The following CBFA2T3 variants were observed in gnomAD, a reference collection of about 807,000 sequenced individuals.
The protein encoded by CBFA2T3 is transcriptional corepressor CBFA2T3.
CBFA2T3 carries 31 observed loss-of-function variants against 58.6 expected under a neutral mutation model. The ratio of observed to expected loss-of-function variants is 0.53; its 90% confidence interval spans 0.40 to 0.71. The LOEUF (loss-of-function observed/expected upper bound fraction) is 0.71. CBFA2T3 is among the 30% of genes least tolerant of loss of function. The probability of loss-of-function intolerance (pLI) is 0.00; values close to 1 mark genes in which losing one functional copy is unlikely to be tolerated. For synonymous variants in CBFA2T3, 531 were observed against 421.9 expected (o/e 1.26, Z -3.17); for missense variants, 1,076 against 963.1 (o/e 1.12, Z -1.55).
intron 1 of CBFA2T3, among the ~76,000 whole-genome samples, chr16:88,952,404 C>T (rs1972097168): frequency 6.6e-6 from 1 of 152,020 alleles, no homozygotes; most frequent in Admixed American, 6.5e-5. Context: ...TCCAATCCTT[C>T]TCCCGCGGGG....
At chr16:88,892,701 T>C (rs897850604) in intron 3 of CBFA2T3, among the ~76,000 whole-genome samples, 2 of 152,190 alleles carry the variant, frequency 1.3e-5, no homozygotes, top group African/African-American at 4.8e-5. Flanking sequence ...CCATCTGTCC[T>C]TCCGGCCCTG....
At chr16:88,909,209 T>C (rs1362015331) in intron 1 of CBFA2T3, among the ~76,000 whole-genome samples, 1 of 152,168 alleles carries the variant, frequency 6.6e-6, no homozygotes, top group African/African-American at 2.4e-5. Context: ...TCTGGGGCTG[T>C]GGTGCAGGCA....
intron 7 of CBFA2T3, chr16:88,884,663 T>G (rs1969284674): frequency 5.3e-6 from 1 of 189,514 alleles, no homozygotes. Context: ...GGCCCTGCAT[T>G]AACTCCCCCA....
chr16:88,976,929 G>C lies in CBFA2T3; in HGVS notation c.-122C>G. On this transcript the variant is annotated 5_prime_UTR_variant, in exon 1 of 12. Coordinates refer to ENST00000268679, the MANE Select transcript of CBFA2T3 (RefSeq NM_005187.6). ...GGGCTGGGCCAGCTGGGGCGTCCTG[G>C]AGTTGGGCCTCTGTCCCTGGAAAGC... is the stretch of plus-strand genomic sequence containing the variant. The C allele has an allele frequency of 8.0e-7, 1 of 1,254,768 alleles. No homozygotes were observed. The highest frequency in any genetic ancestry group is 1.6e-5 in the South Asian group (1 of 64,460). 77.7% of individuals were successfully genotyped at this position (1,254,768 alleles called of 1,614,324 possible). A position where few individuals can be genotyped will look rare whatever the true frequency, so the allele number is the denominator to read the frequency against.
intron 1 of CBFA2T3, among the ~76,000 whole-genome samples, chr16:88,934,240 G>A (rs1289648275): frequency 2.0e-5 from 3 of 151,742 alleles, no homozygotes; most frequent in Non-Finnish European, 2.9e-5. Context: ...CATGCCCCTC[G>A]GCACATGGAG....
intron 3 of CBFA2T3, 116 bp from the exon 4 acceptor site, chr16:88,892,601 AATG>A (rs1245284622): frequency 3.3e-6 from 4 of 1,206,426 alleles, no homozygotes; most frequent in Middle Eastern, 2.0e-4. Context: ...TGACGGCAAC[AATG>A]ATGAGACACA....
Position 88,886,105 on chromosome 16 carries a change from C to T in CBFA2T3, c.749G>A (p.Cys250Tyr), listed in dbSNP as rs1969360461. The T allele has an allele frequency of 6.9e-6, 11 of 1,585,594 alleles. No homozygotes were observed. The highest frequency in any genetic ancestry group is 1.3e-5 in the African/African-American group (1 of 74,806). The change falls in exon 6 of 12, where the codon TGT becomes TAT. Residue 250 changes from cysteine to tyrosine, a missense_variant. Physicochemically the swap from Cys to Tyr is radical, Grantham distance 194. Coordinates refer to ENST00000268679, the MANE Select transcript of CBFA2T3 (RefSeq NM_005187.6). ...GGGCGTCTGCTTGGCCAGGCGTGCACAGTGCAGGAGCTCCCGCTGCAGCAA... is the reference window on the plus strand; with the variant it reads ...GGGCGTCTGCTTGGCCAGGCGTGCATAGTGCAGGAGCTCCCGCTGCAGCAA... ...LPLLQRELLH[C>Y]ARLAKQTPAQ...
At chr16:88,895,737 G>T (rs1038926693) in intron 3 of CBFA2T3, among the ~76,000 whole-genome samples, 1 of 152,202 alleles carries the variant, frequency 6.6e-6, no homozygotes, top group African/African-American at 2.4e-5. Context: ...GAGGGCGGGG[G>T]ATGCTACAGA....
chr16:88,927,598 C>CT (rs1237495549), intron 1 of CBFA2T3, among the ~76,000 whole-genome samples: 5 of 152,168 alleles, frequency 3.3e-5, no homozygotes, highest in Admixed American at 3.3e-4. Context: ...GGCATGCAGC[C>CT]TGCAGGTGAT....
chr16:88,891,397 A>G (rs879737074), intron 5 of CBFA2T3, among the ~76,000 whole-genome samples: 2 of 152,072 alleles, frequency 1.3e-5, no homozygotes, highest in Non-Finnish European at 2.9e-5. Context: ...CTTCTCCACC[A>G]CGTGCAGCTG....
chr16:88,912,810 T>A (rs1970572495), intron 1 of CBFA2T3, among the ~76,000 whole-genome samples: 1 of 152,224 alleles, frequency 6.6e-6, no homozygotes, highest in Non-Finnish European at 1.5e-5. Flanking sequence ...TGGGCTGGGC[T>A]TGAATCGAGG....
rs763276982 is a variant in CBFA2T3 at position 88,892,400 on chromosome 16, C to T, written c.465G>A (p.Ser155=). 11 of 1,613,424 alleles carry T rather than the reference C, an allele frequency of 6.8e-6. No individual in the cohort carries two copies. The highest frequency in any genetic ancestry group is 6.7e-5 in the African/African-American group (5 of 74,918). Residue 155 remains serine, a synonymous_variant, in exon 4 of 12, where the codon TCG becomes TCA. Coordinates refer to ENST00000268679, the MANE Select transcript of CBFA2T3 (RefSeq NM_005187.6). ...GCTGTGTGGACAAGGAGGCTGTGGACGAGGTGGCCGGGCCATTGCTGAAGC... is the reference window on the plus strand; with the variant it reads ...GCTGTGTGGACAAGGAGGCTGTGGATGAGGTGGCCGGGCCATTGCTGAAGC... ...PNGFSNGPAT[S]STASLSTQHL...
chr16:88,905,527 C>G (rs113430518), intron 1 of CBFA2T3, among the ~76,000 whole-genome samples: 2,360 of 151,808 alleles, frequency 0.016, 54 homozygotes, highest in African/African-American at 0.054. Context: ...CAGGATGCAG[C>G]TCGCCCAGGG....
chr16:88,956,497 T>C (rs538482874), intron 1 of CBFA2T3, among the ~76,000 whole-genome samples: 2 of 152,368 alleles, frequency 1.3e-5, no homozygotes, highest in African/African-American at 2.4e-5. Context: ...GAGCTTCTAC[T>C]GGCCTCACAG....
At chr16:88,971,035 C>T (rs1972643177) in intron 1 of CBFA2T3, among the ~76,000 whole-genome samples, 1 of 149,384 alleles carries the variant, frequency 6.7e-6, no homozygotes, top group African/African-American at 2.5e-5. Context: ...GAGGCCGACG[C>T]GGTGGGGTCG....
intron 1 of CBFA2T3, among the ~76,000 whole-genome samples, chr16:88,904,445 G>C (rs183337903): frequency 7.9e-5 from 12 of 152,326 alleles, no homozygotes; most frequent in Non-Finnish European, 1.5e-4. Context: ...TCGGAACCAC[G>C]ACCTGGTGTT....
chr16:88,959,861 A>G (rs1004477522), intron 1 of CBFA2T3, among the ~76,000 whole-genome samples: 1 of 152,122 alleles, frequency 6.6e-6, no homozygotes, highest in Non-Finnish European at 1.5e-5. Flanking sequence ...CTCCATCTCT[A>G]CTAAAAATAC....
rs766061902 is a variant in CBFA2T3 at position 88,901,580 on chromosome 16, T to C, written c.228A>G (p.Thr76=). 1.7e-5 allele frequency: 26 copies of C among 1,501,644 alleles called. No homozygotes were observed. Among genetic ancestry groups the C allele is most frequent in the African/African-American group, 3.0e-5 (2 of 67,100 alleles). The allele number at this position is 1,501,644 out of a possible 1,614,324, so 93.0% of individuals were successfully genotyped here. A position where few individuals can be genotyped will look rare whatever the true frequency, so the allele number is the denominator to read the frequency against. ...PAEVKTQPRS[T]PPSMPPPPPA... is the part of the protein sequence containing the mutation. ...GCGGTGGGGGCGGCATGCTGGGGGG[T>C]GTGGACCGGGGCTGCGTCTTCACCT... Residue 76 remains threonine, a synonymous_variant, in exon 2 of 12, where the codon ACA becomes ACG. Coordinates refer to ENST00000268679, the MANE Select transcript of CBFA2T3 (RefSeq NM_005187.6).
chr16:88,911,389 C>T (rs1400931176), intron 1 of CBFA2T3, among the ~76,000 whole-genome samples: 2 of 152,232 alleles, frequency 1.3e-5, no homozygotes, highest in East Asian at 3.8e-4. Context: ...GTCTCTGGCT[C>T]CCCTTGGGTA....
Sources: gnomAD v4.1 joint callset for allele counts (sites outside exome capture counted in the v4.1 genomes callset) on GRCh38, gnomAD v4.1.1 for gene constraint, MANE v1.5 for transcripts, NCBI Gene and HGNC (gene_info 2026-07-23, HGNC 2026-07-21) for gene names.